The following EPHA5 variants were observed in gnomAD, a reference collection of about 807,000 sequenced individuals.
The protein encoded by EPHA5 is EPH receptor A5.
EPHA5 carries 60 observed loss-of-function variants against 105.0 expected under a neutral mutation model. That is an observed-to-expected ratio of 0.57 (90% CI 0.46 to 0.71). The LOEUF is 0.71. Among genes scored for constraint, EPHA5 ranks in the 30% least tolerant of loss-of-function variants. EPHA5 has a pLI of 0.00. For synonymous variants in EPHA5, 513 were observed against 449.1 expected (o/e 1.14, Z -1.80); for missense variants, 1,218 against 1,274.7 (o/e 0.96, Z 0.68).
intron 8 of EPHA5, among the ~76,000 whole-genome samples, chr4:65,391,146 C>A (rs759757570): frequency 7.2e-5 from 11 of 151,998 alleles, no homozygotes; most frequent in Non-Finnish European, 1.6e-4. Context: ...GGGGAAACTG[C>A]CCCCATGATT....
chr4:65,440,686 G>A (rs1398722388), intron 5 of EPHA5, among the ~76,000 whole-genome samples: 1 of 151,904 alleles, frequency 6.6e-6, no homozygotes, highest in Non-Finnish European at 1.5e-5. Flanking sequence ...ACTCATCCAG[G>A]CATATGCAAA....
At chr4:65,650,373 C>T (rs1160329385) in intron 1 of EPHA5, among the ~76,000 whole-genome samples, 1 of 133,338 alleles carries the variant, frequency 7.5e-6, no homozygotes, top group Admixed American at 8.0e-5. Context: ...CAGTGAAACC[C>T]GGTGTGTACT....
chr4:65,355,235 G>C (rs1194515571), intron 11 of EPHA5, among the ~76,000 whole-genome samples: 1 of 151,536 alleles, frequency 6.6e-6, no homozygotes, highest in East Asian at 1.9e-4. Context: ...AAATCATAAA[G>C]TTACAAGAGA....
intron 5 of EPHA5, among the ~76,000 whole-genome samples, chr4:65,468,669 AACATATATACATATATATATAAAATATAT>A (rs1728992175): frequency 9.2e-5 from 1 of 10,898 alleles, no homozygotes; most frequent in African/African-American, 1.6e-4. Context: ...AAATATATAT[AACATATATACATATATATATAAAATATAT>A]ATATATATAA....
intron 5 of EPHA5, among the ~76,000 whole-genome samples, chr4:65,438,211 TAA>T (rs1342711909): frequency 6.6e-6 from 1 of 151,990 alleles, no homozygotes; most frequent in African/African-American, 2.4e-5. Context: ...ATTTAATGAC[TAA>T]AAGACCATCA....
intron 2 of EPHA5, among the ~76,000 whole-genome samples, chr4:65,605,527 C>T (rs1424882216): frequency 6.6e-6 from 1 of 152,100 alleles, no homozygotes; most frequent in East Asian, 1.9e-4. Flanking sequence ...ATCCCTCTTA[C>T]ATTATGTCCC....
At chr4:65,553,717 T>C (rs573013728) in intron 3 of EPHA5, among the ~76,000 whole-genome samples, 68 of 152,184 alleles carry the variant, frequency 4.5e-4, no homozygotes, top group African/African-American at 1.6e-3. Context: ...CCTTAATCTC[T>C]CTGGCTGTAT....
At chr4:65,640,522 G>A (rs187307714) in intron 2 of EPHA5, among the ~76,000 whole-genome samples, 47 of 152,088 alleles carry the variant, frequency 3.1e-4, no homozygotes, top group African/African-American at 1.0e-3. Flanking sequence ...TCCTGACCTC[G>A]TGATCCACCC....
chr4:65,372,762 ACTTG>A (rs1376469357), intron 8 of EPHA5, among the ~76,000 whole-genome samples: 1 of 151,846 alleles, frequency 6.6e-6, no homozygotes, highest in Admixed American at 6.6e-5. Context: ...ATTATATCTT[ACTTG>A]ATGTTTTATA....
intron 15 of EPHA5, among the ~76,000 whole-genome samples, chr4:65,334,807 GT>G (rs200508592): frequency 7.4e-4 from 97 of 131,028 alleles, no homozygotes; most frequent in East Asian, 1.4e-3. Context: ...TAGAACATAA[GT>G]TTTTTTTTAC....
chr4:65,382,177 A>G (rs899321833), intron 8 of EPHA5, among the ~76,000 whole-genome samples: 1 of 151,826 alleles, frequency 6.6e-6, no homozygotes, highest in African/African-American at 2.4e-5. Flanking sequence ...CTGTAATCAG[A>G]CACTCTCCTT....
Position 65,490,603 on chromosome 4 carries a change from A to G in EPHA5, c.1176T>C (p.Tyr392=), listed in dbSNP as rs1731310820. 4 of 1,614,164 alleles carry G rather than the reference A, an allele frequency of 2.5e-6. No individual in the cohort carries two copies. In the African/African-American group the frequency reaches 4.0e-5, roughly 16 times the overall value. The part of the protein sequence containing the change: ...DTGGRKDVSY[Y]IACKKCNSHA... The stretch of plus-strand genomic sequence containing the variant: ...GGGAGTTGCACTTCTTGCATGCAAT[A>G]TAATATGACACGTCTTTCCTTCCAC... The change falls in exon 5 of 17, where the codon TAT becomes TAC. Residue 392 remains tyrosine (Y), a synonymous_variant. Transcript: ENST00000613740.
chr4:65,642,334 A>G (rs555937210), intron 2 of EPHA5, among the ~76,000 whole-genome samples: 71 of 152,000 alleles, frequency 4.7e-4, no homozygotes, highest in African/African-American at 1.5e-3. Context: ...TGCAGGGAAG[A>G]AGGAAGAGTG....
rs556562378 is a variant in EPHA5, at chr4:65,419,211, T to C, written c.1527+1230A>G. ...AAACTCTTTTATCTATGCATGTATATATGTATATATATAGTTGCACTTTTA... is the reference window on the plus strand; with the variant it reads ...AAACTCTTTTATCTATGCATGTATACATGTATATATATAGTTGCACTTTTA... On this transcript the variant is annotated intron_variant, in intron 6 of 16. Transcript: ENST00000613740. 7.9e-5 allele frequency among the ~76,000 whole-genome samples: 12 copies of C among 152,184 alleles called. No homozygotes were observed. In the South Asian group the frequency reaches 2.5e-3, roughly 32 times the overall value.
intron 3 of EPHA5, among the ~76,000 whole-genome samples, chr4:65,594,025 A>G (rs1742933208): frequency 1.3e-5 from 2 of 152,124 alleles, no homozygotes; most frequent in South Asian, 4.1e-4. Context: ...TTCCCATGAG[A>G]GCTGTTCTGT....
intron 5 of EPHA5, among the ~76,000 whole-genome samples, chr4:65,485,671 T>C (rs1730812813): frequency 6.6e-6 from 1 of 152,186 alleles, no homozygotes; most frequent in African/African-American, 2.4e-5. Flanking sequence ...TGAACACACC[T>C]ATTTTTCCTT....
chr4:65,335,672 C>T (rs1721104234), intron 15 of EPHA5, among the ~76,000 whole-genome samples: 2 of 151,862 alleles, frequency 1.3e-5, no homozygotes, highest in Non-Finnish European at 2.9e-5. Flanking sequence ...TTTTATGCTA[C>T]CTGAATGTGG....
At chr4:65,524,891 C>G (rs1175699926) in intron 3 of EPHA5, among the ~76,000 whole-genome samples, 1 of 151,554 alleles carries the variant, frequency 6.6e-6, no homozygotes, top group South Asian at 2.1e-4. Context: ...AGGATGGGCT[C>G]CTGAGTTTTG....
chr4:65,639,001 TA>T (rs886492505), intron 2 of EPHA5, among the ~76,000 whole-genome samples: 6 of 152,222 alleles, frequency 3.9e-5, no homozygotes, highest in African/African-American at 1.4e-4. Flanking sequence ...TATGAAAGCA[TA>T]AATGCAAACA....
Sources: allele counts gnomAD v4.1 joint callset (sites outside exome capture counted in the v4.1 genomes callset), GRCh38; gene constraint gnomAD v4.1.1; transcripts MANE v1.5; gene names NCBI Gene and HGNC (gene_info 2026-07-23, HGNC 2026-07-21).